STK17A: variants seen among roughly 807,000 people sequenced by gnomAD.
The protein encoded by STK17A is serine/threonine-protein kinase 17A.
Under a neutral mutation model 43.7 loss-of-function variants are expected in STK17A, and 26 were observed. That is an observed-to-expected ratio of 0.60 (90% CI 0.44 to 0.83). The LOEUF is 0.83. Ranked by LOEUF, STK17A falls within the 40% of genes least tolerant of loss-of-function variation. The probability of loss-of-function intolerance (pLI) is 0.00; values close to 1 mark genes in which losing one functional copy is unlikely to be tolerated. For synonymous variants in STK17A, 191 were observed against 182.5 expected (o/e 1.05, Z -0.38); for missense variants, 476 against 511.6 (o/e 0.93, Z 0.67).
chr7:43,608,280 C>G lies in STK17A; in HGVS notation c.444C>G (p.Asp148Glu), dbSNP rs11555026. ...LEYAAGGEIF[D>E]QCVADREEAF... ...GTGCTGCTGGGGGTGAAATCTTTGACCAGTGTGTTGCAGACAGAGAAGAAG... is the reference window on the plus strand; with the variant it reads ...GTGCTGCTGGGGGTGAAATCTTTGAGCAGTGTGTTGCAGACAGAGAAGAAG... The change falls in exon 3 of 7, where the codon GAC becomes GAG. Residue 148 changes from aspartate (D) to glutamate (E), a missense_variant. Transcript: ENST00000319357. The G allele has an allele frequency of 6.2e-7, 1 of 1,612,492 alleles. No individual in the cohort carries two copies. Among genetic ancestry groups the G allele is most frequent in the African/African-American group, 1.3e-5 (1 of 74,838 alleles).
Position 43,583,387 on chromosome 7 carries a change from C to A in STK17A, c.144C>A (p.Ala48=). 6.9e-7 allele frequency: 1 copy of A among 1,447,022 alleles called. No individual in the cohort carries two copies. Among genetic ancestry groups the A allele is most frequent in the Non-Finnish European group, 9.1e-7 (1 of 1,097,862 alleles). The allele number at this position is 1,447,022 out of a possible 1,614,324, so 89.6% of individuals were successfully genotyped here. ...GCGGGCTGCTGACAGAGATACGCGC[C>A]GTGGTGCGCACCGAGCCCTTCCAGG... ...QARGLLTEIR[A]VVRTEPFQDG... Residue 48 remains alanine, a synonymous_variant, in exon 1 of 7, where the codon GCC becomes GCA. Coordinates refer to ENST00000319357, the MANE Select transcript of STK17A (RefSeq NM_004760.3).
At chr7:43,609,836 A>G (rs1305678784) in intron 3 of STK17A, among the ~76,000 whole-genome samples, 2 of 152,188 alleles carry the variant, frequency 1.3e-5, no homozygotes, top group African/African-American at 4.8e-5. Flanking sequence ...ATCATCTCAC[A>G]CCACGATCAT....
rs1159623015 is a variant in STK17A at position 43,583,125 on chromosome 7, C to G, written c.-119C>G. On this transcript the variant is annotated 5_prime_UTR_variant, in exon 1 of 7. Transcript: ENST00000319357. ...TGCCTGCCGCAGTCCGAGCGCCGCGCTGGGGAGAGCGGGTGTTTGAAGGCT... is the reference window on the plus strand; with the variant it reads ...TGCCTGCCGCAGTCCGAGCGCCGCGGTGGGGAGAGCGGGTGTTTGAAGGCT... 5 of 1,112,502 alleles carry G rather than the reference C, an allele frequency of 4.5e-6. No individual in the cohort carries two copies. The highest frequency in any genetic ancestry group is 6.3e-6 in the Non-Finnish European group (5 of 792,394). 68.9% of individuals were successfully genotyped at this position (1,112,502 alleles called of 1,614,324 possible). A position where few individuals can be genotyped will look rare whatever the true frequency, so the allele number is the denominator to read the frequency against.
intron 2 of STK17A, 23 bp from the exon 3 acceptor site, chr7:43,608,233 A>C: frequency 2.5e-6 from 4 of 1,598,248 alleles, no homozygotes; most frequent in Non-Finnish European, 3.4e-6. Context: ...GTTATATATT[A>C]CTTTAATTTT....
intron 4 of STK17A, chr7:43,623,179 T>C (rs2084100440): frequency 6.0e-6 from 1 of 166,314 alleles, no homozygotes; most frequent in African/African-American, 2.4e-5. Flanking sequence ...AAGGCCCAGG[T>C]GAGAGGAGAA....
chr7:43,583,503 G>C, intron 1 of STK17A, 54 bp downstream of exon 1: 2 of 1,243,668 alleles, frequency 1.6e-6, no homozygotes, highest in East Asian at 6.5e-5. Flanking sequence ...GGGGCGGGAC[G>C]TGGGCGCCGA....
intron 3 of STK17A, among the ~76,000 whole-genome samples, chr7:43,612,772 T>C (rs185825163): frequency 6.6e-6 from 1 of 151,600 alleles, no homozygotes; most frequent in Non-Finnish European, 1.5e-5. Context: ...CTGAAGACTG[T>C]CAGCCAAATA....
At chr7:43,609,450 G>A (rs1012563835) in intron 3 of STK17A, 2 of 152,244 alleles carry the variant, frequency 1.3e-5, no homozygotes, top group South Asian at 2.1e-4. Context: ...TAACCTTTAC[G>A]TGGACTGAGT....
intron 2 of STK17A, among the ~76,000 whole-genome samples, chr7:43,597,137 A>G (rs2082521696): frequency 6.6e-6 from 1 of 152,212 alleles, no homozygotes; most frequent in Non-Finnish European, 1.5e-5. Flanking sequence ...ATATATAACC[A>G]GATCTTGCAA....
At chr7:43,585,170 T>G (rs559041810) in intron 1 of STK17A, among the ~76,000 whole-genome samples, 1 of 152,198 alleles carries the variant, frequency 6.6e-6, no homozygotes, top group Non-Finnish European at 1.5e-5. Flanking sequence ...GCACTCCAGC[T>G]TGGGTGACAG....
At chr7:43,616,151 C>CT (rs2083321948) in intron 3 of STK17A, among the ~76,000 whole-genome samples, 1 of 152,206 alleles carries the variant, frequency 6.6e-6, no homozygotes, top group Admixed American at 6.5e-5. Flanking sequence ...CCTTCAGGGT[C>CT]TGCTCACATA....
At chr7:43,584,724 T>C (rs531437399) in intron 1 of STK17A, among the ~76,000 whole-genome samples, 2 of 152,310 alleles carry the variant, frequency 1.3e-5, no homozygotes, top group African/African-American at 2.4e-5. Flanking sequence ...GTCTTACTTA[T>C]TCCTAAATGT....
intron 3 of STK17A, among the ~76,000 whole-genome samples, chr7:43,618,164 T>C (rs1475736709): frequency 3.9e-5 from 6 of 151,904 alleles, no homozygotes; most frequent in African/African-American, 1.2e-4. Flanking sequence ...AACAGAACAA[T>C]AGAGTAAGCA....
At chr7:43,587,621 C>A (rs1418779837) in intron 1 of STK17A, among the ~76,000 whole-genome samples, 2 of 151,432 alleles carry the variant, frequency 1.3e-5, no homozygotes, top group East Asian at 3.8e-4. Flanking sequence ...TTGTATCTGA[C>A]AAGAACTTAA....
Position 43,586,175 on chromosome 7 carries a change from CAG to C in STK17A, c.206+2728_206+2729del, listed in dbSNP as rs889547258. 2.6e-5 allele frequency among the ~76,000 whole-genome samples: 4 copies of C among 151,178 alleles called. No homozygotes were observed. In the South Asian group the frequency reaches 6.2e-4, roughly 24 times the overall value. On this transcript the variant is annotated intron_variant, in intron 1 of 6. Transcript: ENST00000319357. ...TAGTTTAATGATGTGGGAAGAAAAA[CAG>C]ATTTTTTTTTTCATTTTATTCTATG...
At chr7:43,622,302 TAGG>T (rs2083980124) in intron 4 of STK17A, 1 of 152,240 alleles carries the variant, frequency 6.6e-6, no homozygotes, top group Non-Finnish European at 1.5e-5. Context: ...AATCAAAATT[TAGG>T]AGATTAGCAT....
intron 1 of STK17A, among the ~76,000 whole-genome samples, chr7:43,585,151 C>A (rs1208843749): frequency 6.6e-6 from 1 of 151,934 alleles, no homozygotes; most frequent in African/African-American, 2.4e-5. Context: ...GAGCCAAGAT[C>A]GCGCCGTTGC....
In STK17A at chr7:43,583,115, G is replaced by C; in HGVS notation, c.-129G>C. The C allele has an allele frequency of 2.0e-6, 2 of 1,013,566 alleles. No individual in the cohort carries two copies. The highest frequency in any genetic ancestry group is 3.4e-5 in the East Asian group (1 of 29,440). 62.8% of individuals were successfully genotyped at this position (1,013,566 alleles called of 1,614,324 possible). A position where few individuals can be genotyped will look rare whatever the true frequency, so the allele number is the denominator to read the frequency against. On this transcript the variant is annotated 5_prime_UTR_variant, in exon 1 of 7. Transcript: ENST00000319357. ...ACCGGTAGTCTGCCTGCCGCAGTCC[G>C]AGCGCCGCGCTGGGGAGAGCGGGTG...
chr7:43,609,060 A>G (rs191193443), intron 3 of STK17A: 76 of 152,422 alleles, frequency 5.0e-4, no homozygotes, highest in African/African-American at 1.8e-3. Context: ...AAACCAGGGT[A>G]AGCAAAACAA....
Sources: allele counts gnomAD v4.1 joint callset (sites outside exome capture counted in the v4.1 genomes callset), GRCh38; gene constraint gnomAD v4.1.1; transcripts MANE v1.5; gene names NCBI Gene and HGNC (gene_info 2026-07-23, HGNC 2026-07-21).